The following HTR3E variants were observed in gnomAD, a reference collection of about 807,000 sequenced individuals.
HTR3E encodes 5-hydroxytryptamine receptor 3E, also known as 5-hydroxytryptamine (serotonin) receptor 3, family member E.
In HTR3E, 38 loss-of-function variants were observed where a neutral mutation model predicts 38.0. The observed-to-expected ratio is 1.00, with a 90% CI of 0.77 to 1.31. The LOEUF (loss-of-function observed/expected upper bound fraction) is 1.31. HTR3E is among the 50% of genes most tolerant of loss of function. The pLI, the probability that HTR3E is intolerant of heterozygous loss-of-function variation, is 0.00. For missense variants in HTR3E, 547 were observed against 585.2 expected (o/e 0.93, Z 0.67); for synonymous variants, 210 against 232.9 (o/e 0.90, Z 0.89).
Position 184,106,374 on chromosome 3 carries a change from C to T in HTR3E, c.1141+31C>T, listed in dbSNP as rs771331442. ...GGAAGTCACATTCCTCTTCCCCCACCTCCACTTCTCTGCTCCTGCCTCCTT... is the reference window on the plus strand; with the variant it reads ...GGAAGTCACATTCCTCTTCCCCCACTTCCACTTCTCTGCTCCTGCCTCCTT... On this transcript the variant is annotated intron_variant, in intron 8 of 8. Transcript: ENST00000415389. The surrounding 1 kb of genome is among the most constrained non-coding windows in gnomAD (Gnocchi z 4.1). 5.7e-6 allele frequency: 9 copies of T among 1,582,432 alleles called. No homozygotes were observed. Among genetic ancestry groups the T allele is most frequent in the Non-Finnish European group, 6.9e-6 (8 of 1,164,096 alleles).
Position 184,106,742 on chromosome 3 carries a change from G to A in HTR3E, c.*49G>A, listed in dbSNP as rs113850466. On this transcript the variant is annotated 3_prime_UTR_variant, in exon 9 of 9. Coordinates refer to ENST00000415389, the MANE Select transcript of HTR3E (RefSeq NM_001256613.2). This position sits in a 1 kb window ranked among gnomAD's most constrained non-coding sequence, Gnocchi z 4.1. Reference sequence around the variant, plus strand: ...AGTCTGGAGCTTCTCTTGCCTCCAGGGACTGGCCAGGTCTCCCCCCTTTCC... The same window carrying A: ...AGTCTGGAGCTTCTCTTGCCTCCAGAGACTGGCCAGGTCTCCCCCCTTTCC... The A allele has an allele frequency of 6.3e-7, 1 of 1,580,822 alleles. No homozygotes were observed. Among genetic ancestry groups the A allele is most frequent in the Admixed American group, 1.7e-5 (1 of 59,238 alleles).
chr3:184,104,221 T>C lies in HTR3E; in HGVS notation c.319T>C (p.Cys107Arg). The C allele has an allele frequency of 1.2e-6, 2 of 1,613,246 alleles. No individual in the cohort carries two copies. The highest frequency in any genetic ancestry group is 1.7e-6 in the Non-Finnish European group (2 of 1,179,696). The stretch of plus-strand genomic sequence containing the variant: ...ATTTATCAGCTGGAACCCAGAGGAA[T>C]GTGAGGGCATCACGAAGATGAGTAT... ...NPFISWNPEECEGITKMSMAA... is the reference protein window; with the variant it reads ...NPFISWNPEEREGITKMSMAA... Residue 107 changes from cysteine to arginine, a missense_variant, in exon 4 of 9, where the codon TGT becomes CGT. Coordinates refer to ENST00000415389, the MANE Select transcript of HTR3E (RefSeq NM_001256613.2).
chr3:184,104,964 G>A lies in HTR3E; in HGVS notation c.559+8G>A. 6.2e-7 allele frequency: 1 copy of A among 1,608,994 alleles called. No homozygotes were observed. The highest frequency in any genetic ancestry group is 8.5e-7 in the Non-Finnish European group (1 of 1,177,528). ...GCTCATTCCTCTACACAGGTAAGTTGCAGTGAGGTCTCAGGGATGGGGTGA... is the reference window on the plus strand; with the variant it reads ...GCTCATTCCTCTACACAGGTAAGTTACAGTGAGGTCTCAGGGATGGGGTGA... On this transcript the variant is annotated splice_region_variant and intron_variant, in intron 5 of 8. Coordinates refer to ENST00000415389, the MANE Select transcript of HTR3E (RefSeq NM_001256613.2).
At position 184,104,763 on chromosome 3, in the gene HTR3E, C is replaced by T. The variant is rs1300596905; in HGVS notation, c.390-24C>T. 4.5e-6 allele frequency: 7 copies of T among 1,561,904 alleles called. No individual in the cohort carries two copies. The African/African-American group carries it at 9.7e-5, about 22-fold the overall frequency. The stretch of plus-strand genomic sequence containing the variant: ...AGAGAGAGAGAAACTGCAGCACCTG[C>T]CTCTTGCGTTATCTCTCCTCCAGCA... On this transcript the variant is annotated intron_variant, in intron 4 of 8. Transcript: ENST00000415389.
chr3:184,105,258 C>G lies in HTR3E; in HGVS notation c.560-9C>G. 1 of 1,600,120 alleles carries G rather than the reference C, an allele frequency of 6.2e-7. No homozygotes were observed. The highest frequency in any genetic ancestry group is 8.5e-7 in the Non-Finnish European group (1 of 1,174,502). ...CTTGAAAAATGATTCAGATGGTTCT[C>G]ATTTTCAGTGGACAGCATGTTGCTG... On this transcript the variant is annotated splice_polypyrimidine_tract_variant and intron_variant, in intron 5 of 8. Transcript: ENST00000415389.
chr3:184,101,554 C>G lies in HTR3E; in HGVS notation c.279+25C>G, dbSNP rs745363171. The G allele has an allele frequency of 1.9e-6, 3 of 1,561,970 alleles. No homozygotes were observed. In the African/African-American group the frequency reaches 4.1e-5, roughly 21 times the overall value. ...GGTATGGACAACACTTTATTCTCTCCCTACAGTTACAGTCAAAAAGGATTT... is the reference window on the plus strand; with the variant it reads ...GGTATGGACAACACTTTATTCTCTCGCTACAGTTACAGTCAAAAAGGATTT... On this transcript the variant is annotated intron_variant, in intron 3 of 8. Transcript: ENST00000415389.
In HTR3E at chr3:184,105,296, G is replaced by T. The variant is rs1317535418; in HGVS notation, c.589G>T (p.Glu197Ter). Reference sequence around the variant, plus strand: ...CAGCATGTTGCTGGACATGGAGAAAGAAGTGTGGGAAATAACAGACGCATC... The same window carrying T: ...CAGCATGTTGCTGGACATGGAGAAATAAGTGTGGGAAATAACAGACGCATC... ...VDSMLLDMEK[E>*]VWEITDASRN... The change falls in exon 6 of 9, where the codon GAA becomes TAA. Residue 197 changes from glutamate to a stop codon, truncating the protein, a stop_gained. Transcript: ENST00000415389. LOFTEE classifies it high-confidence loss of function. 1 of 1,613,676 alleles carries T rather than the reference G, an allele frequency of 6.2e-7. No individual in the cohort carries two copies. The highest frequency in any genetic ancestry group is 1.3e-5 in the African/African-American group (1 of 74,922).
intron 1 of HTR3E, 64 bp downstream of exon 1, chr3:184,097,660 A>G: frequency 7.8e-7 from 1 of 1,282,288 alleles, no homozygotes; most frequent in South Asian, 1.3e-5. Context: ...TAGAACATCT[A>G]GGAACTTTTT....
At chr3:184,105,110 C>A in intron 5 of HTR3E, 154 bp downstream of exon 5, 3 of 1,147,464 alleles carry the variant, frequency 2.6e-6, no homozygotes, top group Non-Finnish European at 3.6e-6. Flanking sequence ...GAACCCAAGT[C>A]TGTCTTGTTC....
rs562814722 is a variant in HTR3E at position 184,104,337 on chromosome 3, C to A, written c.389+46C>A. 5.9e-5 allele frequency: 93 copies of A among 1,569,670 alleles called. No individual in the cohort carries two copies. The South Asian group carries it at 9.1e-4, about 15-fold the overall frequency. ...AGAGGGAAGTCCCATCTCCTGGTAG[C>A]CACAGAGATCACAGTTTACCATTGG... On this transcript the variant is annotated intron_variant, in intron 4 of 8. Coordinates refer to ENST00000415389, the MANE Select transcript of HTR3E (RefSeq NM_001256613.2).
At chr3:184,099,735 A>ACG (rs1329654835) in intron 1 of HTR3E, among the ~76,000 whole-genome samples, 2 of 147,942 alleles carry the variant, frequency 1.4e-5, no homozygotes, top group African/African-American at 5.1e-5. Context: ...AAAAAAAAAA[A>ACG]AAAAAGAAAG....
intron 5 of HTR3E, 105 bp from the exon 6 acceptor site, chr3:184,105,162 A>G: frequency 7.6e-7 from 1 of 1,311,710 alleles, no homozygotes; most frequent in South Asian, 1.5e-5. Flanking sequence ...GGCATGTGGG[A>G]GGCACTCAAA....
chr3:184,097,405 C>A lies in HTR3E; in HGVS notation c.-125C>A. On this transcript the variant is annotated 5_prime_UTR_variant, in exon 1 of 9. Transcript: ENST00000415389. ...CAGAACACTCTTTGAAGGAAGGTTA[C>A]AAATGTCAGTGGTCAACCAATGCTA... 1.5e-6 allele frequency: 1 copy of A among 676,016 alleles called. No individual in the cohort carries two copies. Among genetic ancestry groups the A allele is most frequent in the Non-Finnish European group, 2.5e-6 (1 of 394,184 alleles). 41.9% of individuals were successfully genotyped at this position (676,016 alleles called of 1,614,324 possible). A position where few individuals can be genotyped will look rare whatever the true frequency, so the allele number is the denominator to read the frequency against.
Position 184,101,777 on chromosome 3 carries a change from A to G in HTR3E, c.279+248A>G, listed in dbSNP as rs546166232. Among the ~76,000 whole-genome samples the G allele has an allele frequency of 3.7e-4, 56 of 151,538 alleles. 1 individual carries two copies. Among genetic ancestry groups the G allele is most frequent in the Admixed American group, 1.6e-3 (25 of 15,218 alleles). ...GGCCGAGGTGGGCAGATCACTTGAG[A>G]TCAGGGGTTTGAGACCAACCTGGCC... On this transcript the variant is annotated intron_variant, in intron 3 of 8. Coordinates refer to ENST00000415389, the MANE Select transcript of HTR3E (RefSeq NM_001256613.2).
chr3:184,102,691 G>T (rs1390404658), intron 3 of HTR3E, among the ~76,000 whole-genome samples: 8 of 151,270 alleles, frequency 5.3e-5, no homozygotes, highest in Admixed American at 1.3e-4. Context: ...TTGGGAGGCC[G>T]AGGCCGGTGG....
intron 1 of HTR3E, among the ~76,000 whole-genome samples, 194 bp downstream of exon 1, chr3:184,097,790 T>C (rs1711744091): frequency 6.6e-6 from 1 of 152,220 alleles, no homozygotes; most frequent in Non-Finnish European, 1.5e-5. Flanking sequence ...TCCAGTTACA[T>C]GCCAAACAAG....
At chr3:184,103,284 C>A (rs1712173066) in intron 3 of HTR3E, among the ~76,000 whole-genome samples, 1 of 151,752 alleles carries the variant, frequency 6.6e-6, no homozygotes, top group Non-Finnish European at 1.5e-5. Context: ...GAGTTCGAGA[C>A]CAGCCTGGCC....
In HTR3E at chr3:184,106,757, C is replaced by T. The variant is rs1712492958; in HGVS notation, c.*64C>T. The T allele has an allele frequency of 6.5e-7, 1 of 1,526,888 alleles. No individual in the cohort carries two copies. The highest frequency in any genetic ancestry group is 1.8e-5 in the Admixed American group (1 of 56,546). The allele number at this position is 1,526,888 out of a possible 1,614,324, so 94.6% of individuals were successfully genotyped here. A position where few individuals can be genotyped will look rare whatever the true frequency, so the allele number is the denominator to read the frequency against. On this transcript the variant is annotated 3_prime_UTR_variant, in exon 9 of 9. Transcript: ENST00000415389. This position sits in a 1 kb window ranked among gnomAD's most constrained non-coding sequence, Gnocchi z 4.1. ...TTGCCTCCAGGGACTGGCCAGGTCT[C>T]CCCCCTTTCCTGAGTACCAACTATC...
rs767836103 is a variant in HTR3E, at chr3:184,099,739, A to AAAAAAAAAAC, written c.68-745_68-744insAAAAAAAACA. Reference sequence around the variant, plus strand: ...CCGTCTCAAAAAAAAAAAAAAAAAAAAGAAAGAAATATGCACAATTATTAT... The same window carrying AAAAAAAAAAC: ...CCGTCTCAAAAAAAAAAAAAAAAAAAAAAAAAAAACAGAAAGAAATATGCACAATTATTAT... On this transcript the variant is annotated intron_variant, in intron 1 of 8. Coordinates refer to ENST00000415389, the MANE Select transcript of HTR3E (RefSeq NM_001256613.2). Among the ~76,000 whole-genome samples, 30 of 113,088 alleles carry AAAAAAAAAAC rather than the reference A, an allele frequency of 2.7e-4. 4 individuals are homozygous for AAAAAAAAAAC. The highest frequency in any genetic ancestry group is 7.4e-4 in the African/African-American group (20 of 27,078). 74.2% of individuals were successfully genotyped at this position (113,088 alleles called of 152,430 possible). A position where few individuals can be genotyped will look rare whatever the true frequency, so the allele number is the denominator to read the frequency against.
Sources: gnomAD v4.1 joint callset for allele counts (sites outside exome capture counted in the v4.1 genomes callset) on GRCh38, gnomAD v4.1.1 for gene constraint, Gnocchi (gnomAD v3.1) non-coding constraint, MANE v1.5 for transcripts, NCBI Gene and HGNC (gene_info 2026-07-23, HGNC 2026-07-21) for gene names.